TTC29: variants seen among roughly 807,000 people sequenced by gnomAD.
TTC29 encodes tetratricopeptide repeat domain 29, also known as tetratricopeptide repeat protein 29.
A neutral mutation model predicts 58.1 loss-of-function variants in TTC29; 49 were observed. The ratio of observed to expected loss-of-function variants is 0.84; its 90% CI spans 0.67 to 1.07. The LOEUF is 1.07. Ranked by LOEUF, TTC29 falls within the 50% of genes least tolerant of loss-of-function variation. The pLI is 0.00. For missense variants in TTC29, 582 were observed against 555.6 expected, an observed-to-expected ratio of 1.05 and a Z score of -0.48; for synonymous variants, 209 against 196.8, an observed-to-expected ratio of 1.06 and a Z score of -0.52.
At chr4:146,817,011 G>C (rs1209222045) in intron 10 of TTC29, among the ~76,000 whole-genome samples, 1 of 152,132 alleles carries the variant, frequency 6.6e-6, no homozygotes, top group East Asian at 1.9e-4. Flanking sequence ...AGTTTATAAA[G>C]ATAGTACCTC....
chr4:146,873,555 A>G (rs1048931141), intron 7 of TTC29, among the ~76,000 whole-genome samples: 2 of 152,200 alleles, frequency 1.3e-5, no homozygotes, highest in African/African-American at 4.8e-5. Context: ...AAAGTAACAT[A>G]TCTTTTCCTA....
chr4:146,844,966 T>C (rs4835349), intron 8 of TTC29, among the ~76,000 whole-genome samples: 58,216 of 151,910 alleles, frequency 0.38, 12,022 homozygotes, highest in African/African-American at 0.52. Flanking sequence ...CAGAGTGAAT[T>C]GATGGACTGC....
chr4:146,743,104 C>T (rs1444301483), intron 11 of TTC29, among the ~76,000 whole-genome samples: 2 of 151,452 alleles, frequency 1.3e-5, no homozygotes, highest in African/African-American at 4.9e-5. Context: ...CCAGGAAGGG[C>T]CAGGAAAAGA....
intron 5 of TTC29, among the ~76,000 whole-genome samples, chr4:146,905,513 A>G (rs1733465621): frequency 6.6e-6 from 1 of 151,794 alleles, no homozygotes; most frequent in Non-Finnish European, 1.5e-5. Flanking sequence ...TTCTATGAAT[A>G]AAGGATTGTT....
intron 4 of TTC29, among the ~76,000 whole-genome samples, chr4:146,921,906 C>A (rs1289742179): frequency 6.8e-6 from 1 of 148,138 alleles, no homozygotes; most frequent in Non-Finnish European, 1.5e-5. Context: ...CTGGTCACAC[C>A]AGGAATTTTG....
Position 146,874,778 on chromosome 4 carries a change from T to C in TTC29, c.737A>G (p.Glu246Gly), listed in dbSNP as rs370257618. The C allele has an allele frequency of 1.2e-6, 2 of 1,610,876 alleles. No individual in the cohort carries two copies. Among genetic ancestry groups the C allele is most frequent in the Non-Finnish European group, 1.7e-6 (2 of 1,178,796 alleles). Residue 246 changes from glutamate (E) to glycine (G), a missense_variant, in exon 7 of 13, where the codon GAA becomes GGA. Coordinates refer to ENST00000325106, the MANE Select transcript of TTC29 (RefSeq NM_031956.4). ...TYRLLSDKML[E>G]NKEYKQAIKI... ...GATGGCCTGTTTGTATTCTTTATTT[T>C]CTAGCATTTTGTCTGAGAGTAATCT...
chr4:146,753,604 C>T lies in TTC29; in HGVS notation c.1331-46053G>A, dbSNP rs1579596394. 2.0e-5 allele frequency among the ~76,000 whole-genome samples: 3 copies of T among 152,128 alleles called. No individual in the cohort carries two copies. The East Asian group carries it at 5.8e-4, about 29-fold the overall frequency. On this transcript the variant is annotated intron_variant, in intron 11 of 12. Transcript: ENST00000325106. ...ATGCTGCTATAAAGACACATGCACA[C>T]ATATGTTTATTGTGGCATTATTCAC... is the stretch of plus-strand genomic sequence containing the variant.
At chr4:146,863,475 C>T (rs1016233244) in intron 8 of TTC29, among the ~76,000 whole-genome samples, 1 of 152,180 alleles carries the variant, frequency 6.6e-6, no homozygotes, top group Admixed American at 6.5e-5. Flanking sequence ...GTATTATGTT[C>T]TCCAGAGAAA....
chr4:146,856,808 A>T (rs74848608), intron 8 of TTC29, among the ~76,000 whole-genome samples: 10,527 of 151,494 alleles, frequency 0.069, 475 homozygotes, highest in Admixed American at 0.13. Context: ...ATTTACTAAG[A>T]TTCTATTCTG....
At chr4:146,907,612 C>T (rs1733610302) in intron 5 of TTC29, among the ~76,000 whole-genome samples, 1 of 152,176 alleles carries the variant, frequency 6.6e-6, no homozygotes, top group Admixed American at 6.5e-5. Context: ...AATTCCCTGC[C>T]TCAGCCTTCT....
intron 11 of TTC29, among the ~76,000 whole-genome samples, chr4:146,792,994 T>C (rs1384926812): frequency 1.3e-5 from 2 of 152,124 alleles, no homozygotes; most frequent in Non-Finnish European, 2.9e-5. Context: ...AATATCTGAG[T>C]GAATTGGTGC....
chr4:146,767,206 C>G (rs1198637669), intron 11 of TTC29, among the ~76,000 whole-genome samples: 3 of 151,968 alleles, frequency 2.0e-5, no homozygotes, highest in Non-Finnish European at 4.4e-5. Flanking sequence ...TAGCTAGAAT[C>G]AGAGAGCCCT....
At chr4:146,722,289 T>A (rs1035200531) in intron 11 of TTC29, among the ~76,000 whole-genome samples, 4 of 152,108 alleles carry the variant, frequency 2.6e-5, no homozygotes, top group African/African-American at 9.7e-5. Context: ...GCTACCAACA[T>A]CATTTTTCAC....
chr4:146,802,877 A>C (rs558386683), intron 11 of TTC29, among the ~76,000 whole-genome samples: 3 of 152,348 alleles, frequency 2.0e-5, no homozygotes, highest in Non-Finnish European at 4.4e-5. Context: ...CCTAGTTGGC[A>C]CATAATACTG....
chr4:146,882,365 A>T (rs1375254995), intron 6 of TTC29, among the ~76,000 whole-genome samples: 1 of 152,124 alleles, frequency 6.6e-6, no homozygotes, highest in African/African-American at 2.4e-5. Flanking sequence ...CAAAAAATTT[A>T]TTGAAAAATG....
At chr4:146,795,454 G>T (rs1749770699) in intron 11 of TTC29, among the ~76,000 whole-genome samples, 1 of 152,112 alleles carries the variant, frequency 6.6e-6, no homozygotes. Context: ...CCAGGGATAA[G>T]GCATTGGAAA....
At chr4:146,847,095 AAG>A (rs1285031141) in intron 8 of TTC29, among the ~76,000 whole-genome samples, 1 of 152,226 alleles carries the variant, frequency 6.6e-6, no homozygotes, top group East Asian at 1.9e-4. Flanking sequence ...ACAGTGATAG[AAG>A]AGACAAGATA....
At chr4:146,944,871 T>A (rs1338751088) in intron 2 of TTC29, among the ~76,000 whole-genome samples, 160 bp downstream of exon 2, 2 of 151,824 alleles carry the variant, frequency 1.3e-5, no homozygotes, top group Non-Finnish European at 2.9e-5. Flanking sequence ...ATTCTCGGTA[T>A]CATAATTTTT....
Position 146,737,601 on chromosome 4 carries a change from G to GGC in TTC29, c.1331-30051_1331-30050insGC, listed in dbSNP as rs1554007378. On this transcript the variant is annotated intron_variant, in intron 11 of 12. Coordinates refer to ENST00000325106, the MANE Select transcript of TTC29 (RefSeq NM_031956.4). ...GATGCTAGTAGCCCTGGGGGGGGGG[G>GGC]GGCTACAAACGGGTCTTGACAGGAA... 5.3e-4 allele frequency among the ~76,000 whole-genome samples: 78 copies of GGC among 147,734 alleles called. 1 individual carries two copies. The highest frequency in any genetic ancestry group is 8.8e-4 in the Non-Finnish European group (59 of 66,692).
Sources: gnomAD v4.1 joint callset for allele counts (sites outside exome capture counted in the v4.1 genomes callset) on GRCh38, gnomAD v4.1.1 for gene constraint, MANE v1.5 for transcripts, NCBI Gene and HGNC (gene_info 2026-07-23, HGNC 2026-07-21) for gene names.